CTNND2: variants seen among roughly 807,000 people sequenced by gnomAD.
CTNND2 encodes catenin delta 2, also known as catenin delta-2.
In CTNND2, 22 loss-of-function variants were observed where a neutral mutation model predicts 144.4. That is an observed-to-expected ratio of 0.15 (90% CI 0.11 to 0.22). CTNND2 has a LOEUF of 0.22. Among genes scored for constraint, CTNND2 ranks in the 10% least tolerant of loss-of-function variants. The probability of loss-of-function intolerance (pLI) is 1.00; values close to 1 mark genes in which losing one functional copy is unlikely to be tolerated. For missense variants in CTNND2, 1,353 were observed against 1,618.8 expected (o/e 0.84, Z 2.82); for synonymous variants, 751 against 695.6 (o/e 1.08, Z -1.25).
chr5:11,110,463 GTCTC>G (rs1012349629), intron 14 of CTNND2, among the ~76,000 whole-genome samples: 3 of 152,122 alleles, frequency 2.0e-5, no homozygotes, highest in East Asian at 1.9e-4. Context: ...GCCTCCCTCT[GTCTC>G]TCTCTGTTTC....
chr5:11,535,998 A>G (rs1164983437), intron 3 of CTNND2, among the ~76,000 whole-genome samples: 1 of 152,224 alleles, frequency 6.6e-6, no homozygotes, highest in African/African-American at 2.4e-5. Flanking sequence ...TTCTCTATGT[A>G]AAGTGTTTGG....
intron 10 of CTNND2, among the ~76,000 whole-genome samples, chr5:11,235,007 A>G (rs115305891): frequency 0.016 from 2,368 of 152,276 alleles, 65 homozygotes; most frequent in African/African-American, 0.055. Context: ...CATGCCTGGG[A>G]GCCACTGTGC....
intron 12 of CTNND2, among the ~76,000 whole-genome samples, chr5:11,137,072 G>A (rs1474152245): frequency 1.3e-5 from 2 of 152,238 alleles, no homozygotes; most frequent in Non-Finnish European, 2.9e-5. Flanking sequence ...AGCTAGTACA[G>A]TGTCTGGCAT....
intron 14 of CTNND2, among the ~76,000 whole-genome samples, chr5:11,102,024 C>A (rs982472169): frequency 4.6e-5 from 7 of 151,630 alleles, no homozygotes; most frequent in African/African-American, 1.7e-4. Context: ...TTTAAAAAAG[C>A]TTTTTTGCTG....
intron 1 of CTNND2, among the ~76,000 whole-genome samples, chr5:11,752,803 A>G (rs900659909): frequency 1.3e-5 from 2 of 151,704 alleles, no homozygotes; most frequent in African/African-American, 2.4e-5. Flanking sequence ...TATTCTTCCT[A>G]TCTATGAGCA....
At chr5:11,288,276 G>A (rs1267790220) in intron 9 of CTNND2, among the ~76,000 whole-genome samples, 8 of 151,852 alleles carry the variant, frequency 5.3e-5, no homozygotes, top group Non-Finnish European at 7.4e-5. Context: ...CTACATTCAT[G>A]TTCTTCTTTT....
intron 2 of CTNND2, among the ~76,000 whole-genome samples, chr5:11,698,050 G>A (rs1785217551): frequency 1.3e-5 from 2 of 152,256 alleles, no homozygotes; most frequent in Admixed American, 1.3e-4. Context: ...AAATCAGTCT[G>A]GTTGCTGTGC....
At chr5:11,760,347 C>A (rs767734108) in intron 1 of CTNND2, among the ~76,000 whole-genome samples, 30 of 152,216 alleles carry the variant, frequency 2.0e-4, no homozygotes, top group Admixed American at 1.4e-3. Context: ...CTTCTGCCTC[C>A]TCTGGTTAAG....
chr5:11,719,529 C>G (rs1786541063), intron 2 of CTNND2, among the ~76,000 whole-genome samples: 1 of 152,020 alleles, frequency 6.6e-6, no homozygotes, highest in Non-Finnish European at 1.5e-5. Context: ...TCTCAGACCA[C>G]AGAGGAAAGA....
chr5:11,634,928 C>T (rs2126481302), intron 2 of CTNND2, among the ~76,000 whole-genome samples: 1 of 151,710 alleles, frequency 6.6e-6, no homozygotes, highest in South Asian at 2.1e-4. Flanking sequence ...GATTAGGAAC[C>T]TTTAGAGCAA....
chr5:11,547,940 A>C (rs1032225887), intron 3 of CTNND2, among the ~76,000 whole-genome samples: 3 of 152,210 alleles, frequency 2.0e-5, no homozygotes, highest in Non-Finnish European at 4.4e-5. Context: ...TCATATGACA[A>C]TGTCCCTAGC....
At chr5:11,649,839 T>C (rs1782555456) in intron 2 of CTNND2, among the ~76,000 whole-genome samples, 1 of 152,224 alleles carries the variant, frequency 6.6e-6, no homozygotes, top group East Asian at 1.9e-4. Context: ...CAACAATTAA[T>C]TCTTCTAAGT....
At chr5:11,295,656 C>T (rs1748867220) in intron 9 of CTNND2, among the ~76,000 whole-genome samples, 1 of 152,248 alleles carries the variant, frequency 6.6e-6, no homozygotes, top group Non-Finnish European at 1.5e-5. Flanking sequence ...TGGAACAGAA[C>T]AGAGCCCTCA....
At chr5:10,985,326 G>A (rs183392162) in intron 20 of CTNND2, among the ~76,000 whole-genome samples, 1 of 152,284 alleles carries the variant, frequency 6.6e-6, no homozygotes, top group East Asian at 1.9e-4. Flanking sequence ...TATGGAAGCC[G>A]GCATGCCTGA....
chr5:11,381,453 T>C (rs754233401), intron 7 of CTNND2, among the ~76,000 whole-genome samples: 10 of 152,184 alleles, frequency 6.6e-5, no homozygotes, highest in Non-Finnish European at 1.5e-4. Context: ...GTGTTTGCTC[T>C]TGTTCTCTCT....
intron 1 of CTNND2, among the ~76,000 whole-genome samples, chr5:11,762,742 C>A (rs567368418): frequency 6.6e-6 from 1 of 152,282 alleles, no homozygotes; most frequent in East Asian, 1.9e-4. Context: ...ACATCTTCCA[C>A]ATGGACTGGT....
intron 2 of CTNND2, among the ~76,000 whole-genome samples, chr5:11,672,086 G>C (rs995241914): frequency 6.6e-6 from 1 of 152,200 alleles, no homozygotes; most frequent in Admixed American, 6.5e-5. Context: ...TCCAGACCCT[G>C]TTTGCCTGGG....
intron 1 of CTNND2, among the ~76,000 whole-genome samples, chr5:11,813,819 C>T (rs1414120169): frequency 6.6e-6 from 1 of 152,096 alleles, no homozygotes; most frequent in Non-Finnish European, 1.5e-5. Flanking sequence ...CAGCCTAGAA[C>T]AAACATTTAA....
At chr5:11,727,343 C>G (rs1356353718) in intron 2 of CTNND2, among the ~76,000 whole-genome samples, 1 of 152,112 alleles carries the variant, frequency 6.6e-6, no homozygotes, top group Non-Finnish European at 1.5e-5. Context: ...GTATGAAACT[C>G]ACAAGGCTTT....
Sources: gnomAD v4.1 joint callset for allele counts (sites outside exome capture counted in the v4.1 genomes callset) on GRCh38, gnomAD v4.1.1 for gene constraint, MANE v1.5 for transcripts, NCBI Gene and HGNC (gene_info 2026-07-23, HGNC 2026-07-21) for gene names.